NCMAP: variants seen among roughly 807,000 people sequenced by gnomAD.
NCMAP encodes non-compact myelin associated protein, also known as noncompact myelin-associated protein.
In NCMAP, 8 loss-of-function variants were observed where a neutral mutation model predicts 7.8. The ratio of observed to expected loss-of-function variants is 1.02; its 90% CI spans 0.60 to 1.84. The LOEUF is 1.84. NCMAP is among the 40% of genes most tolerant of loss of function. The pLI, the probability that NCMAP is intolerant of heterozygous loss-of-function variation, is 0.00. For missense variants in NCMAP, 112 were observed against 131.4 expected (o/e 0.85, Z 0.72); for synonymous variants, 41 against 52.9 (o/e 0.78, Z 0.98).
intron 1 of NCMAP, among the ~76,000 whole-genome samples, chr1:24,588,833 G>C (rs1326440550): frequency 1.3e-5 from 2 of 152,204 alleles, no homozygotes; most frequent in Non-Finnish European, 2.9e-5. Flanking sequence ...CAGGGTCATA[G>C]GCCTGGGGCA....
chr1:24,589,461 G>A (rs1356663053), intron 1 of NCMAP: 3 of 152,278 alleles, frequency 2.0e-5, no homozygotes, highest in Admixed American at 2.0e-4. Flanking sequence ...GTCCCGAGAT[G>A]AGGCAAGATA....
chr1:24,567,120 C>A (rs756512564), intron 1 of NCMAP, among the ~76,000 whole-genome samples: 1 of 152,210 alleles, frequency 6.6e-6, no homozygotes, highest in Non-Finnish European at 1.5e-5. Context: ...CCAACCCATC[C>A]TCAGGCACCT....
chr1:24,566,928 A>AC (rs1331327274), intron 1 of NCMAP, among the ~76,000 whole-genome samples: 1 of 151,932 alleles, frequency 6.6e-6, no homozygotes, highest in Non-Finnish European at 1.5e-5. Flanking sequence ...TGGCCCAAAA[A>AC]CCCTTTGCCA....
chr1:24,566,874 G>A (rs1651241814), intron 1 of NCMAP, among the ~76,000 whole-genome samples: 1 of 152,120 alleles, frequency 6.6e-6, no homozygotes, highest in Admixed American at 6.6e-5. Flanking sequence ...CTGAATTCTG[G>A]AAATTCCAGT....
intron 1 of NCMAP, among the ~76,000 whole-genome samples, chr1:24,568,527 A>G (rs757930966): frequency 6.6e-6 from 1 of 152,166 alleles, no homozygotes; most frequent in Admixed American, 6.5e-5. Context: ...AAGGAAATAT[A>G]TTAAAGGGCT....
At position 24,583,719 on chromosome 1, in the gene NCMAP, A is replaced by G. The variant is rs1173541118; in HGVS notation, c.-7-11705A>G. Among the ~76,000 whole-genome samples, 292 of 73,400 alleles carry G rather than the reference A, an allele frequency of 4.0e-3. 3 individuals are homozygous for G. The highest frequency in any genetic ancestry group is 0.014 in the African/African-American group (260 of 19,186). 48.2% of individuals were successfully genotyped at this position (73,400 alleles called of 152,430 possible). A position where few individuals can be genotyped will look rare whatever the true frequency, so the allele number is the denominator to read the frequency against. On this transcript the variant is annotated intron_variant, in intron 1 of 3. Transcript: ENST00000374392. ...TGACAGAGCAAGACTCCGTCTCAGA[A>G]AAAAAAAAAAAAAAAAAAAGTGAGC...
At chr1:24,573,836 G>A (rs924566547) in intron 1 of NCMAP, among the ~76,000 whole-genome samples, 3 of 149,198 alleles carry the variant, frequency 2.0e-5, no homozygotes, top group Admixed American at 6.6e-5. Flanking sequence ...ATTTTGGGGT[G>A]TGTCTGTGAT....
At chr1:24,570,371 T>G (rs1044253982) in intron 1 of NCMAP, among the ~76,000 whole-genome samples, 1 of 150,834 alleles carries the variant, frequency 6.6e-6, no homozygotes. Flanking sequence ...GGCTTGCACC[T>G]ATAGTTCCAG....
intron 2 of NCMAP, among the ~76,000 whole-genome samples, chr1:24,597,799 A>T (rs1652312658): frequency 6.6e-6 from 1 of 152,200 alleles, no homozygotes; most frequent in South Asian, 2.1e-4. Flanking sequence ...GTTAAATTTG[A>T]ATTTAAGATA....
chr1:24,597,228 G>A (rs1007245099), intron 2 of NCMAP, among the ~76,000 whole-genome samples: 8 of 152,044 alleles, frequency 5.3e-5, no homozygotes, highest in South Asian at 4.1e-4. Flanking sequence ...GTTCTTGGCC[G>A]GGCACAGTGG....
intron 1 of NCMAP, among the ~76,000 whole-genome samples, chr1:24,569,907 G>C (rs1470101577): frequency 6.7e-6 from 1 of 150,264 alleles, no homozygotes; most frequent in African/African-American, 2.5e-5. Flanking sequence ...TGGTGACCTT[G>C]GACAAGTTAC....
chr1:24,601,428 C>T (rs971267000), intron 3 of NCMAP, among the ~76,000 whole-genome samples: 12 of 151,708 alleles, frequency 7.9e-5, no homozygotes, highest in African/African-American at 1.2e-4. Context: ...TTTCTGGAGA[C>T]GTATAAGGGG....
At chr1:24,588,054 AC>A (rs1260872893) in intron 1 of NCMAP, among the ~76,000 whole-genome samples, 2 of 152,060 alleles carry the variant, frequency 1.3e-5, no homozygotes, top group Admixed American at 1.3e-4. Context: ...GAAAGATGGG[AC>A]TTCTGAGAGG....
chr1:24,565,922 G>A (rs2148926078), intron 1 of NCMAP, among the ~76,000 whole-genome samples: 1 of 152,190 alleles, frequency 6.6e-6, no homozygotes, highest in Non-Finnish European at 1.5e-5. Flanking sequence ...CATCGTGGTG[G>A]TTTCCTCCAT....
At chr1:24,590,872 T>C (rs61473806) in intron 1 of NCMAP, among the ~76,000 whole-genome samples, 39,096 of 152,154 alleles carry the variant, frequency 0.26, 5,915 homozygotes, top group Middle Eastern at 0.47. Context: ...TAATATTCAC[T>C]ATAATACTTA....
chr1:24,570,519 A>G (rs1651357817), intron 1 of NCMAP, among the ~76,000 whole-genome samples: 1 of 150,842 alleles, frequency 6.6e-6, no homozygotes. Flanking sequence ...AAACAAACAA[A>G]GTACTTAACA....
chr1:24,587,566 C>T (rs1449710117), intron 1 of NCMAP, among the ~76,000 whole-genome samples: 1 of 151,842 alleles, frequency 6.6e-6, no homozygotes, highest in Non-Finnish European at 1.5e-5. Flanking sequence ...CAGGCTGGAG[C>T]GTGGTGGCAT....
At chr1:24,604,300 T>TGA (rs1390188016) in intron 3 of NCMAP, among the ~76,000 whole-genome samples, 4 of 151,876 alleles carry the variant, frequency 2.6e-5, no homozygotes, top group Non-Finnish European at 4.4e-5. Flanking sequence ...TAAGGCTGGG[T>TGA]GCAGTGGCTC....
intron 1 of NCMAP, among the ~76,000 whole-genome samples, chr1:24,578,586 G>A (rs1298664931): frequency 7.8e-5 from 10 of 127,956 alleles, no homozygotes; most frequent in Admixed American, 3.3e-4. Context: ...TTTTTGAGAC[G>A]GTTTCTTGCT....
Sources: gnomAD v4.1 joint callset for allele counts (sites outside exome capture counted in the v4.1 genomes callset) on GRCh38, gnomAD v4.1.1 for gene constraint, MANE v1.5 for transcripts, NCBI Gene and HGNC (gene_info 2026-07-23, HGNC 2026-07-21) for gene names.